CEP170: variants seen among roughly 807,000 people sequenced by gnomAD.
The protein encoded by CEP170 is centrosomal protein of 170 kDa.
CEP170 carries 21 observed loss-of-function variants against 151.9 expected under a neutral mutation model. The observed-to-expected ratio is 0.14, with a 90% CI of 0.10 to 0.20. The LOEUF is 0.20. Among genes scored for constraint, CEP170 ranks in the 10% least tolerant of loss-of-function variants. The probability of loss-of-function intolerance (pLI) is 1.00; values close to 1 mark genes in which losing one functional copy is unlikely to be tolerated. For missense variants in CEP170, 964 were observed against 1,892.9 expected (o/e 0.51, Z 9.11); for synonymous variants, 356 against 648.8 (o/e 0.55, Z 6.86).
At chr1:243,246,408 T>C (rs2065404615) in intron 1 of CEP170, among the ~76,000 whole-genome samples, 1 of 151,992 alleles carries the variant, frequency 6.6e-6, no homozygotes, top group African/African-American at 2.4e-5. Flanking sequence ...ATTTTTGTAT[T>C]TTTAGTAGAG....
intron 1 of CEP170, among the ~76,000 whole-genome samples, chr1:243,245,498 G>A (rs891819824): frequency 6.6e-6 from 1 of 152,046 alleles, no homozygotes; most frequent in South Asian, 2.1e-4. Context: ...AGCGGATCAC[G>A]AGGTCAGGAG....
chr1:243,214,577 C>T (rs1446341904), intron 3 of CEP170, among the ~76,000 whole-genome samples: 10 of 151,924 alleles, frequency 6.6e-5, no homozygotes, highest in Non-Finnish European at 1.2e-4. Flanking sequence ...TGAGCTACTG[C>T]GCCCAGCCAA....
chr1:243,127,138 G>A (rs1242525091), intron 19 of CEP170, among the ~76,000 whole-genome samples: 1 of 152,214 alleles, frequency 6.6e-6, no homozygotes, highest in Non-Finnish European at 1.5e-5. Context: ...TCAGGGTTCA[G>A]AGTAACCTCA....
intron 4 of CEP170, among the ~76,000 whole-genome samples, chr1:243,202,936 C>T (rs542983804): frequency 6.6e-6 from 1 of 152,290 alleles, no homozygotes; most frequent in South Asian, 2.1e-4. Context: ...CTTCCCAGGG[C>T]TCGTCTGGGG....
intron 17 of CEP170, among the ~76,000 whole-genome samples, chr1:243,134,997 T>C (rs1160589898): frequency 6.6e-6 from 1 of 152,176 alleles, no homozygotes; most frequent in Non-Finnish European, 1.5e-5. Context: ...CACCCACTAT[T>C]AGATATAATA....
intron 17 of CEP170, among the ~76,000 whole-genome samples, chr1:243,133,415 T>A (rs1249038804): frequency 4.6e-5 from 7 of 152,266 alleles, no homozygotes; most frequent in Non-Finnish European, 8.8e-5. Context: ...ATTTCATTTA[T>A]TTATTTCTTT....
At position 243,134,684 on chromosome 1, in the gene CEP170, T is replaced by A. The variant is rs898868402; in HGVS notation, c.4319+1459A>T. 5.3e-5 allele frequency among the ~76,000 whole-genome samples: 8 copies of A among 150,932 alleles called. No individual in the cohort carries two copies. The East Asian group carries it at 5.8e-4, about 11-fold the overall frequency. ...AGCCAATTTTTTTTTTTTTTTTTTTTAATCTCGCTTTGTGGCTCAGGCTGG... is the reference window on the plus strand; with the variant it reads ...AGCCAATTTTTTTTTTTTTTTTTTTAAATCTCGCTTTGTGGCTCAGGCTGG... On this transcript the variant is annotated intron_variant, in intron 17 of 19. Coordinates refer to ENST00000366542, the MANE Select transcript of CEP170 (RefSeq NM_014812.3).
intron 7 of CEP170, among the ~76,000 whole-genome samples, chr1:243,197,980 T>A (rs2060773716): frequency 6.6e-6 from 1 of 152,148 alleles, no homozygotes; most frequent in Non-Finnish European, 1.5e-5. Context: ...TCTAGACTTG[T>A]ATCCATTAGA....
rs747588142 is a variant in CEP170 at position 243,156,282 on chromosome 1, G to C, written c.3850C>G (p.Arg1284Gly). 13 of 1,589,164 alleles carry C rather than the reference G, an allele frequency of 8.2e-6. No individual in the cohort carries two copies. Among genetic ancestry groups the C allele is most frequent in the Non-Finnish European group, 1.1e-5 (13 of 1,168,414 alleles). The change falls in exon 14 of 20, where the codon CGG (arginine) becomes GGG (glycine). Residue 1284 changes from arginine (R) to glycine (G), a missense_variant. Physicochemically the swap from Arg to Gly is moderately radical, Grantham distance 125. Coordinates refer to ENST00000366542, the MANE Select transcript of CEP170 (RefSeq NM_014812.3). ...AMPTSSSFKH[R>G]IKEQEDYIRD... ...ATGTAGTCTTCCTGCTCTTTAATCCGGTGTTTGAATGAAGAACTAGTAGGC... is the reference window on the plus strand; with the variant it reads ...ATGTAGTCTTCCTGCTCTTTAATCCCGTGTTTGAATGAAGAACTAGTAGGC...
intron 1 of CEP170, among the ~76,000 whole-genome samples, chr1:243,245,058 A>G (rs997494348): frequency 6.6e-6 from 1 of 152,216 alleles, no homozygotes; most frequent in Non-Finnish European, 1.5e-5. Context: ...AAAAGTTGTT[A>G]TAAGTGAGGG....
At chr1:243,234,252 T>C (rs960587560) in intron 1 of CEP170, among the ~76,000 whole-genome samples, 2 of 152,230 alleles carry the variant, frequency 1.3e-5, no homozygotes, top group Admixed American at 6.5e-5. Flanking sequence ...GAAATGCTTT[T>C]CTCTAGCTTA....
At chr1:243,162,731 A>G (rs2058162572) in intron 13 of CEP170, among the ~76,000 whole-genome samples, 1 of 152,360 alleles carries the variant, frequency 6.6e-6, no homozygotes, top group African/African-American at 2.4e-5. Context: ...AATTATGTTA[A>G]GACAGGAAAA....
At position 243,140,163 on chromosome 1, in the gene CEP170, T is replaced by C. The variant is rs1337895961; in HGVS notation, c.4060-56A>G. 6 of 1,570,736 alleles carry C rather than the reference T, an allele frequency of 3.8e-6. No individual in the cohort carries two copies. In the East Asian group the frequency reaches 9.0e-5, roughly 24 times the overall value. Reference sequence around the variant, plus strand: ...ACACAGTAATTTGAAAAAGTACCAATATTGGCATTACAATTTTTATGATTA... The same window carrying C: ...ACACAGTAATTTGAAAAAGTACCAACATTGGCATTACAATTTTTATGATTA... On this transcript the variant is annotated intron_variant, in intron 15 of 19. Coordinates refer to ENST00000366542, the MANE Select transcript of CEP170 (RefSeq NM_014812.3).
intron 1 of CEP170, among the ~76,000 whole-genome samples, chr1:243,247,099 C>T (rs1413140211): frequency 1.3e-5 from 2 of 152,164 alleles, no homozygotes; most frequent in Admixed American, 1.3e-4. Context: ...AAACCCCTAA[C>T]CAGTCCCTAA....
intron 2 of CEP170, among the ~76,000 whole-genome samples, chr1:243,224,378 G>C (rs927901787): frequency 6.6e-6 from 1 of 151,716 alleles, no homozygotes; most frequent in Non-Finnish European, 1.5e-5. Context: ...CAATCTTTCG[G>C]CTTCCCCGGG....
chr1:243,188,024 GATTA>G (rs1289878503), intron 8 of CEP170, among the ~76,000 whole-genome samples: 2 of 151,824 alleles, frequency 1.3e-5, no homozygotes, highest in Non-Finnish European at 2.9e-5. Context: ...GAAAAAATGG[GATTA>G]ATTAATGAAA....
rs759158262 is a variant in CEP170, at chr1:243,179,458, ACTAT to A, written c.1566+6317_1566+6320del. Among the ~76,000 whole-genome samples, 78 of 152,318 alleles carry A rather than the reference ACTAT, an allele frequency of 5.1e-4. 1 individual carries two copies. The highest frequency in any genetic ancestry group is 3.4e-3 in the Middle Eastern group (1 of 294). On this transcript the variant is annotated intron_variant, in intron 10 of 19. Coordinates refer to ENST00000366542, the MANE Select transcript of CEP170 (RefSeq NM_014812.3). ...TTTATACATTTCTTCTTCTTCTGAG[ACTAT>A]CTATCTTTGCTGCTTTCATACTTAA...
At chr1:243,178,469 T>G (rs1321815358) in intron 10 of CEP170, among the ~76,000 whole-genome samples, 1 of 151,870 alleles carries the variant, frequency 6.6e-6, no homozygotes, top group Non-Finnish European at 1.5e-5. Context: ...AGCAAATCCA[T>G]AGAGACAAAA....
At chr1:243,173,534 C>T (rs1203642450) in intron 10 of CEP170, among the ~76,000 whole-genome samples, 3 of 151,120 alleles carry the variant, frequency 2.0e-5, no homozygotes, top group East Asian at 3.9e-4. Flanking sequence ...TCAGGAGTTC[C>T]GGACCAGCCT....
Sources: allele counts gnomAD v4.1 joint callset (sites outside exome capture counted in the v4.1 genomes callset), GRCh38; gene constraint gnomAD v4.1.1; transcripts MANE v1.5; gene names NCBI Gene and HGNC (gene_info 2026-07-23, HGNC 2026-07-21).